The following ENO4 variants were observed in gnomAD, a reference collection of about 807,000 sequenced individuals.
ENO4 encodes 2-phospho-D-glycerate hydro-lyase.
Under a neutral mutation model 63.2 loss-of-function variants are expected in ENO4, and 53 were observed. That is an observed-to-expected ratio of 0.84 (90% CI 0.67 to 1.05). The LOEUF (loss-of-function observed/expected upper bound fraction) is 1.05, where lower values mean the gene tolerates loss of function less well. Ranked by LOEUF, ENO4 falls within the 50% of genes least tolerant of loss-of-function variation. The probability of loss-of-function intolerance (pLI) is 0.00; values close to 1 mark genes in which losing one functional copy is unlikely to be tolerated. For synonymous variants in ENO4, 266 were observed against 283.8 expected (o/e 0.94, Z 0.63); for missense variants, 719 against 772.0 (o/e 0.93, Z 0.81).
chr10:116,902,684 C>T (rs1589789873), intron 10 of ENO4, among the ~76,000 whole-genome samples: 2 of 152,304 alleles, frequency 1.3e-5, no homozygotes, highest in African/African-American at 4.8e-5. Flanking sequence ...TTTCTCAAAG[C>T]ATGATTCTAG....
chr10:116,858,283 A>G (rs1846323563), intron 3 of ENO4, among the ~76,000 whole-genome samples: 1 of 152,144 alleles, frequency 6.6e-6, no homozygotes, highest in East Asian at 1.9e-4. Flanking sequence ...AAAGTTTCTT[A>G]GTTATTTTAT....
At chr10:116,897,024 C>T (rs1847548346) in intron 10 of ENO4, among the ~76,000 whole-genome samples, 1 of 152,110 alleles carries the variant, frequency 6.6e-6, no homozygotes, top group South Asian at 2.1e-4. Flanking sequence ...CCCGGCTGGT[C>T]TTGGACTCCT....
At chr10:116,870,953 C>T (rs1166581702) in intron 8 of ENO4, among the ~76,000 whole-genome samples, 172 bp from the exon 9 acceptor site, 1 of 152,152 alleles carries the variant, frequency 6.6e-6, no homozygotes, top group Non-Finnish European at 1.5e-5. Flanking sequence ...CTCCCAGATA[C>T]TGCAGGGGAA....
At chr10:116,904,278 T>TC (rs998293026) in intron 10 of ENO4, among the ~76,000 whole-genome samples, 26 of 152,184 alleles carry the variant, frequency 1.7e-4, no homozygotes, top group African/African-American at 5.8e-4. Flanking sequence ...TTGCTTACTT[T>TC]CCCCCCTGGA....
At chr10:116,890,303 A>G (rs574991034) in intron 10 of ENO4, among the ~76,000 whole-genome samples, 3 of 152,334 alleles carry the variant, frequency 2.0e-5, no homozygotes. Context: ...TTTTACAAGT[A>G]TCACTTATAA....
intron 8 of ENO4, among the ~76,000 whole-genome samples, chr10:116,869,793 CTAGAG>C (rs1413797068): frequency 6.6e-6 from 1 of 152,100 alleles, no homozygotes. Flanking sequence ...TAGAAACAGT[CTAGAG>C]TATAGATTCC....
intron 10 of ENO4, among the ~76,000 whole-genome samples, chr10:116,908,686 GTACATACA>G (rs555226880): frequency 6.6e-6 from 1 of 152,066 alleles, no homozygotes; most frequent in Admixed American, 6.6e-5. Context: ...GTGTGTGTTC[GTACATACA>G]TACATACATA....
intron 1 of ENO4, 59 bp from the exon 2 acceptor site, chr10:116,855,564 T>A: frequency 6.5e-7 from 1 of 1,532,364 alleles, no homozygotes. Flanking sequence ...GTATTGTGAC[T>A]TTTTTCCCCA....
intron 11 of ENO4, among the ~76,000 whole-genome samples, chr10:116,876,795 C>T (rs1189054148): frequency 6.6e-6 from 1 of 151,944 alleles, no homozygotes; most frequent in Non-Finnish European, 1.5e-5. Context: ...AGTAAAAATA[C>T]AAAAAATTGG....
At chr10:116,900,689 T>G in intron 10 of ENO4, 1 of 1,461,016 alleles carries the variant, frequency 6.8e-7, no homozygotes, top group Non-Finnish European at 9.0e-7. Context: ...TTAAACAAAT[T>G]TAATAGGAAA....
At chr10:116,879,027 G>A (rs894407773) in intron 11 of ENO4, among the ~76,000 whole-genome samples, 7 of 152,122 alleles carry the variant, frequency 4.6e-5, no homozygotes, top group Non-Finnish European at 1.0e-4. Context: ...ACAGGAGTGA[G>A]CCACCGTGCC....
chr10:116,892,477 AAG>A (rs913159762), intron 10 of ENO4, among the ~76,000 whole-genome samples: 1 of 152,212 alleles, frequency 6.6e-6, no homozygotes, highest in Admixed American at 6.5e-5. Context: ...CAGCTATTAA[AAG>A]CCATGTTATT....
chr10:116,861,679 C>A (rs551026569), intron 6 of ENO4, among the ~76,000 whole-genome samples: 31 of 152,250 alleles, frequency 2.0e-4, no homozygotes, highest in African/African-American at 7.2e-4. Flanking sequence ...CTATACTACT[C>A]CTCAGTAGCC....
chr10:116,907,126 A>G (rs968537481), intron 10 of ENO4, among the ~76,000 whole-genome samples: 1 of 152,324 alleles, frequency 6.6e-6, no homozygotes, highest in South Asian at 2.1e-4. Flanking sequence ...GGAAATCTTT[A>G]TATGGCAGCC....
chr10:116,893,907 CA>C (rs1847427128), intron 10 of ENO4, among the ~76,000 whole-genome samples: 1 of 151,966 alleles, frequency 6.6e-6, no homozygotes, highest in African/African-American at 2.4e-5. Context: ...AGAAAGTAAA[CA>C]AAATAAAATA....
intron 10 of ENO4, chr10:116,900,446 T>C: frequency 8.3e-7 from 1 of 1,205,992 alleles, no homozygotes; most frequent in South Asian, 1.3e-5. Context: ...AATTATTTCA[T>C]TTCCTTTCTT....
At chr10:116,910,943 T>G (rs908769105) in intron 10 of ENO4, among the ~76,000 whole-genome samples, 1 of 152,214 alleles carries the variant, frequency 6.6e-6, no homozygotes, top group African/African-American at 2.4e-5. Flanking sequence ...ACATGCTTGA[T>G]GAAAATAATC....
Position 116,861,240 on chromosome 10 carries a change from T to A in ENO4, c.936+50T>A, listed in dbSNP as rs554429045. 858 of 337,060 alleles carry A rather than the reference T, an allele frequency of 2.5e-3. 6 individuals carry two copies. The highest frequency in any genetic ancestry group is 0.017 in the African/African-American group (715 of 41,738). 20.9% of individuals were successfully genotyped at this position (337,060 alleles called of 1,614,324 possible). A position where few individuals can be genotyped will look rare whatever the true frequency, so the allele number is the denominator to read the frequency against. On this transcript the variant is annotated intron_variant, in intron 6 of 13. Coordinates refer to ENST00000341276, the MANE Select transcript of ENO4 (RefSeq NM_001242699.2). The stretch of plus-strand genomic sequence containing the variant: ...CTTTTCTAAAAAAAAAAAAAAAATA[T>A]ATATATATATATATATACTCCGTCA...
downstream of ENO4, chr10:116,886,627 G>C: frequency 6.3e-7 from 1 of 1,597,604 alleles, no homozygotes; most frequent in East Asian, 2.2e-5. Flanking sequence ...AGTTGTCTCT[G>C]ATATTCTGGA....
Sources: gnomAD v4.1 joint callset for allele counts (sites outside exome capture counted in the v4.1 genomes callset) on GRCh38, gnomAD v4.1.1 for gene constraint, MANE v1.5 for transcripts, NCBI Gene and HGNC (gene_info 2026-07-23, HGNC 2026-07-21) for gene names.